GSPT1: variants seen among roughly 807,000 people sequenced by gnomAD.
GSPT1 encodes G1 to S phase transition 1, also known as eukaryotic peptide chain release factor GTP-binding subunit ERF3A.
In GSPT1, 20 loss-of-function variants were observed where a neutral mutation model predicts 72.5. That is an observed-to-expected ratio of 0.28 (90% CI 0.19 to 0.40). The LOEUF is 0.40. Among genes scored for constraint, GSPT1 ranks in the 10% least tolerant of loss-of-function variants. GSPT1 has a pLI of 1.00. For missense variants in GSPT1, 580 were observed against 811.9 expected, an observed-to-expected ratio of 0.71 and a Z score of 3.47; for synonymous variants, 334 against 293.5, an observed-to-expected ratio of 1.14 and a Z score of -1.41.
intron 5 of GSPT1, among the ~76,000 whole-genome samples, 164 bp from the exon 6 acceptor site, chr16:11,891,303 C>A (rs2054256023): frequency 6.8e-6 from 1 of 146,990 alleles, no homozygotes; most frequent in African/African-American, 2.5e-5. Flanking sequence ...ACATATATAA[C>A]ATATTTTTAT....
intron 1 of GSPT1, 24 bp from the exon 2 acceptor site, chr16:11,898,059 T>C: frequency 6.8e-7 from 1 of 1,476,136 alleles, no homozygotes; most frequent in Non-Finnish European, 9.3e-7. Context: ...AGAAGTTCTA[T>C]TAAAAATTGA....
rs1053782116 is a variant in GSPT1, at chr16:11,871,709, A to G, written c.*1410T>C. The G allele has an allele frequency of 7.2e-5, 11 of 152,214 alleles. No homozygotes were observed. The highest frequency in any genetic ancestry group is 2.7e-4 in the African/African-American group (11 of 41,456). The allele number at this position is 152,214 out of a possible 1,614,324, so 9.4% of individuals were successfully genotyped here. A position where few individuals can be genotyped will look rare whatever the true frequency, so the allele number is the denominator to read the frequency against. ...ATACAAAGTATCTTATTTAGAGAGA[A>G]ATCACAATCTAAAAGAGGCTATCTT... On this transcript the variant is annotated 3_prime_UTR_variant, in exon 15 of 15. Transcript: ENST00000434724.
chr16:11,874,454 CTTTTTTTTTTTTTT>C lies in GSPT1; in HGVS notation c.1861+1293_1862-1284del, dbSNP rs200991035. On this transcript the variant is annotated intron_variant, in intron 14 of 14. Coordinates refer to ENST00000434724, the MANE Select transcript of GSPT1 (RefSeq NM_002094.4). ...GTGGAAAACCTAAAAGCCAAGTTAGCTTTTTTTTTTTTTTTTTTTTTTTTTTTTTTAAAGCCAAG... is the reference window on the plus strand; with the variant it reads ...GTGGAAAACCTAAAAGCCAAGTTAGCTTTTTTTTTTTTTTTTAAAGCCAAG... Among the ~76,000 whole-genome samples the C allele has an allele frequency of 3.4e-3, 327 of 95,942 alleles. 8 individuals carry two copies. Among genetic ancestry groups the C allele is most frequent in the Non-Finnish European group, 4.4e-3 (217 of 49,252 alleles). The allele number at this position is 95,942 out of a possible 152,430, so 62.9% of individuals were successfully genotyped here. A position where few individuals can be genotyped will look rare whatever the true frequency, so the allele number is the denominator to read the frequency against.
intron 1 of GSPT1, among the ~76,000 whole-genome samples, chr16:11,906,073 A>T (rs1300032449): frequency 6.6e-6 from 1 of 151,602 alleles, no homozygotes; most frequent in African/African-American, 2.4e-5. Context: ...ACATCACTTC[A>T]TTTTTTCACT....
intron 1 of GSPT1, among the ~76,000 whole-genome samples, chr16:11,903,297 G>A (rs1314845615): frequency 1.3e-5 from 2 of 151,904 alleles, no homozygotes; most frequent in East Asian, 3.9e-4. Context: ...GACCACATGA[G>A]GTCAGGAGTT....
rs779089617 is a variant in GSPT1 at position 11,915,944 on chromosome 16, CGT to C, written c.-226_-225del. 4.0e-6 allele frequency: 3 copies of C among 744,478 alleles called. No individual in the cohort carries two copies. The highest frequency in any genetic ancestry group is 7.3e-6 in the Non-Finnish European group (3 of 409,374). The allele number at this position is 744,478 out of a possible 1,614,324, so 46.1% of individuals were successfully genotyped here. The stretch of plus-strand genomic sequence containing the variant: ...GCGGCGGCAGCTCAACCCTCCTCCT[CGT>C]GTGTGTGAGCGGATCTCCTCCCACC... On this transcript the variant is annotated 5_prime_UTR_variant, in exon 1 of 15. Transcript: ENST00000434724.
At chr16:11,892,102 G>C (rs2054268973) in intron 5 of GSPT1, among the ~76,000 whole-genome samples, 1 of 151,940 alleles carries the variant, frequency 6.6e-6, no homozygotes, top group African/African-American at 2.4e-5. Context: ...CCAGCACTTT[G>C]GGAGGCTGAG....
Position 11,896,622 on chromosome 16 carries a change from A to C in GSPT1, c.600T>G (p.Ser200=). 1 of 1,610,158 alleles carries C rather than the reference A, an allele frequency of 6.2e-7. No individual in the cohort carries two copies. The highest frequency in any genetic ancestry group is 8.5e-7 in the Non-Finnish European group (1 of 1,178,100). ...EEEEEIPKPK[S]VVAPPGAPKK... ...TAGGAGCACCTGGCGGTGCAACCACAGACTTAGGTTTTGGGATTTCCTCTT... is the reference window on the plus strand; with the variant it reads ...TAGGAGCACCTGGCGGTGCAACCACCGACTTAGGTTTTGGGATTTCCTCTT... Residue 200 remains serine (S), a synonymous_variant, in exon 4 of 15, where the codon TCT becomes TCG. Coordinates refer to ENST00000434724, the MANE Select transcript of GSPT1 (RefSeq NM_002094.4).
intron 1 of GSPT1, among the ~76,000 whole-genome samples, chr16:11,907,045 G>A (rs1305509734): frequency 2.6e-5 from 4 of 152,072 alleles, no homozygotes; most frequent in African/African-American, 9.7e-5. Flanking sequence ...AAAAAGGCTC[G>A]GTACAGACAG....
intron 1 of GSPT1, among the ~76,000 whole-genome samples, chr16:11,902,732 G>A (rs567467936): frequency 8.3e-5 from 6 of 71,942 alleles, no homozygotes; most frequent in African/African-American, 2.1e-4. Flanking sequence ...GACTATAGGC[G>A]TGTGCCACCA....
At chr16:11,876,512 CG>C (rs1404810485) in intron 12 of GSPT1, among the ~76,000 whole-genome samples, 1 of 151,948 alleles carries the variant, frequency 6.6e-6, no homozygotes, top group African/African-American at 2.4e-5. Context: ...GCAGGGGGGC[CG>C]GGGGGATCAC....
chr16:11,914,904 G>C (rs1386712284), intron 1 of GSPT1: 13 of 762,620 alleles, frequency 1.7e-5, no homozygotes, highest in African/African-American at 5.4e-5. Flanking sequence ...AAACGCAGCA[G>C]AAGACGCTCT....
At chr16:11,883,151 T>C (rs1262884861) in intron 10 of GSPT1, 56 bp from the exon 11 acceptor site, 4 of 1,032,830 alleles carry the variant, frequency 3.9e-6, no homozygotes, top group Non-Finnish European at 6.1e-6. Flanking sequence ...GTATAACAGC[T>C]CAATAGCCCA....
rs372127214 is a variant in GSPT1 at position 11,871,339 on chromosome 16, G to C, written c.*1780C>G. On this transcript the variant is annotated 3_prime_UTR_variant, in exon 15 of 15. Transcript: ENST00000434724. ...CCCAGCACTTTTGAGAGGCTGAGGCGAGTGGATCACTTGAGGTCAGAAGTT... is the reference window on the plus strand; with the variant it reads ...CCCAGCACTTTTGAGAGGCTGAGGCCAGTGGATCACTTGAGGTCAGAAGTT... The C allele has an allele frequency of 1.3e-5, 2 of 152,168 alleles. No homozygotes were observed. The allele number at this position is 152,168 out of a possible 1,614,324, so 9.4% of individuals were successfully genotyped here. A position where few individuals can be genotyped will look rare whatever the true frequency, so the allele number is the denominator to read the frequency against.
intron 11 of GSPT1, 36 bp downstream of exon 11, chr16:11,882,979 A>T: frequency 7.3e-7 from 1 of 1,369,368 alleles, no homozygotes. Flanking sequence ...AAAAAAAATC[A>T]ATAAATAGAT....
In GSPT1 at chr16:11,911,507, T is replaced by G. The variant is rs13337465; in HGVS notation, c.352+3862A>C. 7.5e-3 allele frequency among the ~76,000 whole-genome samples: 1,121 copies of G among 149,376 alleles called. 22 individuals are homozygous for G. The highest frequency in any genetic ancestry group is 0.027 in the African/African-American group (1,081 of 40,686). ...CTCAAGAGATCCTCCCACCTCAACCTCCCAAGTAGCTGGGACTACAGGTTT... is the reference window on the plus strand; with the variant it reads ...CTCAAGAGATCCTCCCACCTCAACCGCCCAAGTAGCTGGGACTACAGGTTT... On this transcript the variant is annotated intron_variant, in intron 1 of 14. Transcript: ENST00000434724.
At chr16:11,880,622 C>T (rs1275801844) in intron 11 of GSPT1, among the ~76,000 whole-genome samples, 2 of 152,178 alleles carry the variant, frequency 1.3e-5, no homozygotes. Context: ...GCCACCATGT[C>T]CAGCCCTGTG....
chr16:11,881,897 A>G (rs1202127567), intron 11 of GSPT1: 1 of 152,064 alleles, frequency 6.6e-6, no homozygotes, highest in Non-Finnish European at 1.5e-5. Flanking sequence ...GGGCTCAAGC[A>G]ATCGGTCCAC....
intron 14 of GSPT1, among the ~76,000 whole-genome samples, chr16:11,873,626 C>T (rs924593340): frequency 1.3e-5 from 2 of 151,696 alleles, no homozygotes; most frequent in African/African-American, 4.9e-5. Flanking sequence ...CTTACTCTGT[C>T]ACCCAGGCTG....
Sources: allele counts gnomAD v4.1 joint callset (sites outside exome capture counted in the v4.1 genomes callset), GRCh38; gene constraint gnomAD v4.1.1; transcripts MANE v1.5; gene names NCBI Gene and HGNC (gene_info 2026-07-23, HGNC 2026-07-21).